The following TMEM65 variants were observed in gnomAD, a reference collection of about 807,000 sequenced individuals.
The protein encoded by TMEM65 is transmembrane protein 65.
Under a neutral mutation model 25.4 loss-of-function variants are expected in TMEM65, and 22 were observed. The ratio of observed to expected loss-of-function variants is 0.86; its 90% CI spans 0.62 to 1.23. The LOEUF is 1.23. TMEM65 is among the 50% of genes most tolerant of loss of function. The probability of loss-of-function intolerance (pLI) is 0.00; values close to 1 mark genes in which losing one functional copy is unlikely to be tolerated. For synonymous variants in TMEM65, 132 were observed against 126.2 expected (o/e 1.05, Z -0.31); for missense variants, 262 against 308.2 (o/e 0.85, Z 1.12).
chr8:124,345,166 G>A (rs1293097672), intron 1 of TMEM65, among the ~76,000 whole-genome samples: 1 of 152,208 alleles, frequency 6.6e-6, no homozygotes, highest in African/African-American at 2.4e-5. Context: ...CATAGGAGCT[G>A]ACCTTTCAGC....
rs978577767 is a variant in TMEM65, at chr8:124,309,939, C to T, written c.*4021G>A. ...TGGCACGTGCCTGTAATCCCAGCTA[C>T]TCAGGAGGTCAGGAGTCTGAGGCCA... is the stretch of plus-strand genomic sequence containing the variant. On this transcript the variant is annotated 3_prime_UTR_variant, in exon 7 of 7. Transcript: ENST00000297632. The T allele has an allele frequency of 1.3e-5, 2 of 151,962 alleles. No individual in the cohort carries two copies. The highest frequency in any genetic ancestry group is 3.9e-4 in the East Asian group (2 of 5,180). The allele number at this position is 151,962 out of a possible 1,614,324, so 9.4% of individuals were successfully genotyped here. A position where few individuals can be genotyped will look rare whatever the true frequency, so the allele number is the denominator to read the frequency against.
In TMEM65 at chr8:124,311,247, T is replaced by C. The variant is rs575610212; in HGVS notation, c.*2713A>G. On this transcript the variant is annotated 3_prime_UTR_variant, in exon 7 of 7. Transcript: ENST00000297632. Reference sequence around the variant, plus strand: ...CAGATTCCAGGGAGGTGGTAAATTGTTCCATTCACTATCTCAGTGACATTG... The same window carrying C: ...CAGATTCCAGGGAGGTGGTAAATTGCTCCATTCACTATCTCAGTGACATTG... The C allele has an allele frequency of 2.6e-5, 4 of 152,516 alleles. No individual in the cohort carries two copies. The highest frequency in any genetic ancestry group is 5.9e-5 in the Non-Finnish European group (4 of 68,020). The allele number at this position is 152,516 out of a possible 1,614,324, so 9.4% of individuals were successfully genotyped here.
intron 2 of TMEM65, among the ~76,000 whole-genome samples, chr8:124,328,989 G>T (rs1814399779): frequency 6.6e-6 from 1 of 151,794 alleles, no homozygotes; most frequent in African/African-American, 2.4e-5. Context: ...TACAGTATAA[G>T]AATACTATTA....
At chr8:124,336,789 C>T (rs1392362314) in intron 1 of TMEM65, among the ~76,000 whole-genome samples, 1 of 151,560 alleles carries the variant, frequency 6.6e-6, no homozygotes, top group Admixed American at 6.6e-5. Context: ...TAAACATAAA[C>T]TAAGTAGTAG....
chr8:124,320,030 A>G (rs1563589328), intron 6 of TMEM65, 56 bp downstream of exon 6: 1 of 1,435,120 alleles, frequency 7.0e-7, no homozygotes. Context: ...CCTGAACTAT[A>G]CAGAATCTTG....
chr8:124,358,625 A>G (rs1814815780), intron 1 of TMEM65, among the ~76,000 whole-genome samples: 1 of 152,192 alleles, frequency 6.6e-6, no homozygotes, highest in African/African-American at 2.4e-5. Flanking sequence ...TTTTCCATCC[A>G]TAAATCCTCT....
At chr8:124,326,926 G>T (rs1015698606) in intron 3 of TMEM65, among the ~76,000 whole-genome samples, 4 of 151,948 alleles carry the variant, frequency 2.6e-5, no homozygotes, top group African/African-American at 9.7e-5. Flanking sequence ...TAGACTGAAG[G>T]CTAGACTATG....
At chr8:124,371,714 T>G in intron 1 of TMEM65, 140 bp downstream of exon 1, 2 of 806,730 alleles carry the variant, frequency 2.5e-6, no homozygotes, top group Non-Finnish European at 3.5e-6. Flanking sequence ...GTCCCAGGCG[T>G]GGGGCCAGAC....
intron 1 of TMEM65, 40 bp downstream of exon 1, chr8:124,371,814 G>A (rs1254384871): frequency 1.3e-6 from 2 of 1,485,650 alleles, no homozygotes; most frequent in African/African-American, 1.5e-5. Flanking sequence ...AGAGGAGGGC[G>A]TCGGGGCCCC....
At position 124,371,982 on chromosome 8, in the gene TMEM65, T is replaced by G. The variant is rs962612825; in HGVS notation, c.176A>C (p.Lys59Thr). The G allele has an allele frequency of 5.5e-6, 8 of 1,453,682 alleles. No homozygotes were observed. Among genetic ancestry groups the G allele is most frequent in the Non-Finnish European group, 7.3e-6 (8 of 1,101,534 alleles). 90.0% of individuals were successfully genotyped at this position (1,453,682 alleles called of 1,614,324 possible). ...GGPRRLGTHP[K>T]KEPMEALNTA... ...GTTCAGCGCCTCCATGGGCTCCTTCTTGGGGTGCGTGCCCAGCCGCCTGGG... is the reference window on the plus strand; with the variant it reads ...GTTCAGCGCCTCCATGGGCTCCTTCGTGGGGTGCGTGCCCAGCCGCCTGGG... Residue 59 changes from lysine (K) to threonine (T), a missense_variant, in exon 1 of 7, where the codon AAG becomes ACG. Coordinates refer to ENST00000297632, the MANE Select transcript of TMEM65 (RefSeq NM_194291.3).
intron 3 of TMEM65, among the ~76,000 whole-genome samples, chr8:124,324,494 AG>A (rs1814344002): frequency 6.6e-6 from 1 of 152,104 alleles, no homozygotes; most frequent in Admixed American, 6.5e-5. Context: ...GAGGAAGAAA[AG>A]GTAAAAACAG....
intron 1 of TMEM65, among the ~76,000 whole-genome samples, chr8:124,333,711 T>C (rs2131206556): frequency 6.6e-6 from 1 of 152,040 alleles, no homozygotes; most frequent in Non-Finnish European, 1.5e-5. Flanking sequence ...CACTGGAAAA[T>C]TATTGAAACC....
At chr8:124,354,518 ACCGACACAG>A (rs1241501194) in intron 1 of TMEM65, among the ~76,000 whole-genome samples, 6 of 152,222 alleles carry the variant, frequency 3.9e-5, no homozygotes, top group African/African-American at 1.4e-4. Flanking sequence ...ATCTTGGGGG[ACCGACACAG>A]CTGAAGAATG....
intron 1 of TMEM65, among the ~76,000 whole-genome samples, chr8:124,353,452 T>C (rs183680360): frequency 2.0e-5 from 3 of 152,180 alleles, no homozygotes; most frequent in East Asian, 3.9e-4. Context: ...TAAAGACACA[T>C]AGAACTATAA....
Position 124,372,074 on chromosome 8 carries a change from C to CGGGCG in TMEM65, c.79_83dup (p.Pro29AlafsTer40). 8.8e-7 allele frequency: 1 copy of CGGGCG among 1,136,622 alleles called. No individual in the cohort carries two copies. Among genetic ancestry groups the CGGGCG allele is most frequent in the Non-Finnish European group, 1.1e-6 (1 of 928,646 alleles). The allele number at this position is 1,136,622 out of a possible 1,614,324, so 70.4% of individuals were successfully genotyped here. On this transcript the variant is annotated frameshift_variant, in exon 1 of 7. Coordinates refer to ENST00000297632, the MANE Select transcript of TMEM65 (RefSeq NM_194291.3). LOFTEE classifies it high-confidence loss of function. ...CCCGCCCGCAGCAGCACCAGGACGG[C>CGGGCG]GGGCGGGGCGCGGCGGCGGCGGCCG... is the stretch of plus-strand genomic sequence containing the variant.
chr8:124,363,282 T>C (rs1216228298), intron 1 of TMEM65, among the ~76,000 whole-genome samples: 1 of 152,194 alleles, frequency 6.6e-6, no homozygotes, highest in Non-Finnish European at 1.5e-5. Context: ...TGAGTTATAG[T>C]TTATGGATAT....
intron 1 of TMEM65, among the ~76,000 whole-genome samples, chr8:124,357,274 A>G (rs1194639765): frequency 6.6e-6 from 1 of 152,122 alleles, no homozygotes; most frequent in Non-Finnish European, 1.5e-5. Context: ...CAGAGTTGAT[A>G]TATACAATTA....
intron 1 of TMEM65, among the ~76,000 whole-genome samples, chr8:124,346,012 T>C (rs1053866357): frequency 2.6e-5 from 4 of 152,194 alleles, no homozygotes; most frequent in Non-Finnish European, 5.9e-5. Flanking sequence ...CCCATAGTGC[T>C]GGGATTACAG....
intron 1 of TMEM65, among the ~76,000 whole-genome samples, chr8:124,349,146 T>G (rs1814675598): frequency 6.6e-6 from 1 of 152,200 alleles, no homozygotes; most frequent in Admixed American, 6.5e-5. Flanking sequence ...CTCATTCAGT[T>G]AATAAATTCT....
Sources: gnomAD v4.1 joint callset for allele counts (sites outside exome capture counted in the v4.1 genomes callset) on GRCh38, gnomAD v4.1.1 for gene constraint, MANE v1.5 for transcripts, NCBI Gene and HGNC (gene_info 2026-07-23, HGNC 2026-07-21) for gene names.